SGCD: variants seen among roughly 807,000 people sequenced by gnomAD.
SGCD encodes the protein sarcoglycan delta.
In SGCD, 18 loss-of-function variants were observed where a neutral mutation model predicts 36.6. The ratio of observed to expected loss-of-function variants is 0.49; its 90% confidence interval spans 0.34 to 0.73. The LOEUF is 0.73. Ranked by LOEUF, SGCD falls within the 30% of genes least tolerant of loss-of-function variation. The pLI, the probability that SGCD is intolerant of heterozygous loss-of-function variation, is 0.01. For missense variants in SGCD, 387 were observed against 346.7 expected (o/e 1.12, Z -0.92); for synonymous variants, 133 against 130.6 (o/e 1.02, Z -0.12).
the SGCD span, among the ~76,000 whole-genome samples, chr5:155,758,487 T>A: frequency 6.6e-6 from 1 of 152,234 alleles, no homozygotes; most frequent in Non-Finnish European, 1.5e-5. Context: ...TCATGTGGCC[T>A]GGCCCAGGGT....
chr5:156,277,121 T>C (rs1289377153), intron 3 of SGCD, among the ~76,000 whole-genome samples: 4 of 152,212 alleles, frequency 2.6e-5, no homozygotes, highest in Non-Finnish European at 4.4e-5. Flanking sequence ...TTTAATATCT[T>C]GAAGAATTTC....
intron 3 of SGCD, among the ~76,000 whole-genome samples, chr5:156,233,467 G>A (rs558704976): frequency 5.9e-5 from 9 of 152,212 alleles, no homozygotes; most frequent in South Asian, 4.1e-4. Flanking sequence ...CTAAAAGCTC[G>A]GGTATTTAGT....
the SGCD span, among the ~76,000 whole-genome samples, chr5:155,796,297 T>C: frequency 6.6e-6 from 1 of 152,058 alleles, no homozygotes; most frequent in African/African-American, 2.4e-5. Context: ...AAACAAAAGA[T>C]AGGTAGAAAA....
chr5:155,800,803 A>T, the SGCD span, among the ~76,000 whole-genome samples: 2 of 151,864 alleles, frequency 1.3e-5, no homozygotes, highest in East Asian at 3.9e-4. Flanking sequence ...CATTTACGTT[A>T]TCTTGAGTCT....
intron 1 of SGCD, among the ~76,000 whole-genome samples, chr5:155,996,548 C>T (rs536984267): frequency 2.6e-5 from 4 of 152,140 alleles, no homozygotes; most frequent in African/African-American, 7.2e-5. Context: ...GAGGCCGAGG[C>T]GGGGGGATCA....
intron 7 of SGCD, among the ~76,000 whole-genome samples, chr5:156,746,581 T>C (rs1000320875): frequency 1.3e-5 from 2 of 152,348 alleles, no homozygotes; most frequent in African/African-American, 4.8e-5. Flanking sequence ...TCCACACATA[T>C]ATGCTTAATT....
intron 3 of SGCD, among the ~76,000 whole-genome samples, chr5:156,504,400 A>G (rs1206104916): frequency 3.3e-4 from 27 of 82,486 alleles, no homozygotes; most frequent in East Asian, 1.1e-3. Flanking sequence ...GTGTATATAT[A>G]TATATATATA....
At chr5:155,759,273 A>G in the SGCD span, among the ~76,000 whole-genome samples, 1 of 152,196 alleles carries the variant, frequency 6.6e-6, no homozygotes, top group African/African-American at 2.4e-5. Flanking sequence ...GCTAAAATTA[A>G]TATTTCAGTT....
intron 1 of SGCD, among the ~76,000 whole-genome samples, chr5:156,017,646 T>C (rs1477942828): frequency 6.6e-6 from 1 of 152,132 alleles, no homozygotes; most frequent in Non-Finnish European, 1.5e-5. Context: ...TATGTAATTA[T>C]TGAGAAACAT....
intron 3 of SGCD, among the ~76,000 whole-genome samples, chr5:156,288,983 G>GT (rs1430762917): frequency 2.0e-5 from 3 of 152,088 alleles, no homozygotes; most frequent in Non-Finnish European, 4.4e-5. Flanking sequence ...TTGGCATTAG[G>GT]TAAATTATTT....
At chr5:155,942,492 G>A (rs1757349405) in intron 1 of SGCD, among the ~76,000 whole-genome samples, 1 of 152,056 alleles carries the variant, frequency 6.6e-6, no homozygotes, top group African/African-American at 2.4e-5. Flanking sequence ...ATTCTAGAAA[G>A]GACAGCACAG....
At chr5:156,550,595 G>A (rs1415781505) in intron 4 of SGCD, among the ~76,000 whole-genome samples, 1 of 152,190 alleles carries the variant, frequency 6.6e-6, no homozygotes, top group Non-Finnish European at 1.5e-5. Flanking sequence ...TCAGCGAAGG[G>A]AGGTTTATGA....
chr5:155,841,745 C>A, the SGCD span, among the ~76,000 whole-genome samples: 4 of 151,940 alleles, frequency 2.6e-5, no homozygotes, highest in Admixed American at 6.6e-5. Context: ...GGAAACTATC[C>A]TTTTATCACT....
intron 4 of SGCD, among the ~76,000 whole-genome samples, chr5:156,512,780 C>T (rs1757000543): frequency 6.6e-6 from 1 of 152,180 alleles, no homozygotes; most frequent in South Asian, 2.1e-4. Flanking sequence ...CTGCATCCTT[C>T]CTACTTCCAC....
intron 7 of SGCD, among the ~76,000 whole-genome samples, chr5:156,711,123 A>C (rs1754972081): frequency 6.6e-6 from 1 of 152,106 alleles, no homozygotes. Flanking sequence ...GCATATAATG[A>C]GGCAAGTTTG....
chr5:156,414,764 G>A (rs1412431277), intron 3 of SGCD, among the ~76,000 whole-genome samples: 1 of 152,172 alleles, frequency 6.6e-6, no homozygotes, highest in East Asian at 1.9e-4. Flanking sequence ...ATATTTGGAA[G>A]GATATGTACC....
the SGCD span, among the ~76,000 whole-genome samples, chr5:155,773,928 G>C: frequency 0.072 from 11,003 of 152,042 alleles, 481 homozygotes; most frequent in African/African-American, 0.11. Context: ...ATGTTGTGAG[G>C]GGGAGCATGA....
At chr5:156,133,964 TTCTC>T (rs971114235) in intron 3 of SGCD, among the ~76,000 whole-genome samples, 5 of 130,626 alleles carry the variant, frequency 3.8e-5, no homozygotes, top group African/African-American at 1.2e-4. Flanking sequence ...CACACACAGT[TTCTC>T]TCTGTCTCTC....
intron 3 of SGCD, among the ~76,000 whole-genome samples, chr5:156,413,712 A>T (rs558017511): frequency 2.6e-5 from 4 of 152,244 alleles, no homozygotes; most frequent in African/African-American, 9.6e-5. Context: ...TAGTTGTTCA[A>T]TTATGAGTTA....
Sources: allele counts gnomAD v4.1 joint callset (sites outside exome capture counted in the v4.1 genomes callset), GRCh38; gene constraint gnomAD v4.1.1; transcripts MANE v1.5; gene names NCBI Gene and HGNC (gene_info 2026-07-23, HGNC 2026-07-21).